Variants in KIAA2012 observed in about 807,000 individuals in gnomAD.
KIAA2012 encodes the protein uncharacterized protein KIAA2012.
In KIAA2012, 125 loss-of-function variants were observed where a neutral mutation model predicts 150.6. That is an observed-to-expected ratio of 0.83 (90% CI 0.72 to 0.96). The LOEUF (loss-of-function observed/expected upper bound fraction) is 0.96. KIAA2012 is among the 40% of genes least tolerant of loss of function. The pLI, the probability that KIAA2012 is intolerant of heterozygous loss-of-function variation, is 0.00. For missense variants in KIAA2012, 1,219 were observed against 1,354.9 expected (o/e 0.90, Z 1.57); for synonymous variants, 462 against 504.7 (o/e 0.92, Z 1.13).
intron 10 of KIAA2012, among the ~76,000 whole-genome samples, chr2:202,111,491 C>T (rs1453166164): frequency 9.2e-6 from 1 of 109,244 alleles, no homozygotes; most frequent in Non-Finnish European, 1.7e-5. Context: ...GCCTGAGCAA[C>T]AGAGCAAGAC....
intron 12 of KIAA2012, among the ~76,000 whole-genome samples, chr2:202,134,087 A>G (rs1691012899): frequency 6.6e-6 from 1 of 152,192 alleles, no homozygotes; most frequent in East Asian, 1.9e-4. Context: ...GCCTTCTCCC[A>G]TTGGTTCCTG....
chr2:202,120,768 A>G (rs549386316), intron 11 of KIAA2012, among the ~76,000 whole-genome samples: 7 of 152,220 alleles, frequency 4.6e-5, no homozygotes, highest in South Asian at 2.1e-4. Flanking sequence ...GATCCCCCTC[A>G]TCTACCTCTG....
chr2:202,201,590 T>A, intron 22 of KIAA2012: 1 of 1,610,236 alleles, frequency 6.2e-7, no homozygotes, highest in Non-Finnish European at 8.5e-7. Context: ...TGGAGCCAGG[T>A]GGATAGATGG....
rs1195899291 is a variant in KIAA2012 at position 202,093,062 on chromosome 2, A to G, written c.562A>G (p.Ser188Gly). 3.2e-6 allele frequency: 5 copies of G among 1,550,708 alleles called. No homozygotes were observed. Among genetic ancestry groups the G allele is most frequent in the Non-Finnish European group, 3.5e-6 (4 of 1,146,966 alleles). Residue 188 changes from serine (S) to glycine (G), a missense_variant, in exon 4 of 24, where the codon AGT becomes GGT. Coordinates refer to ENST00000498697, the MANE Select transcript of KIAA2012 (RefSeq NM_001277372.4). ...CAAGGATTCTGTGCTACTCCAGGAC[A>G]GTCAACTTAATGTACCAAAGAAGCT... ...YIKDSVLLQD[S>G]QLNVPKKLRP...
Position 202,093,037 on chromosome 2 carries a change from C to T in KIAA2012, c.537C>T (p.Ile179=). ...TCCTGATCTACTCTTCAGGATACAT[C>T]AAGGATTCTGTGCTACTCCAGGACA... ...AMYRLWCAGY[I]KDSVLLQDSQ... The change falls in exon 4 of 24, where the codon ATC becomes ATT. Residue 179 remains isoleucine, a synonymous_variant. Coordinates refer to ENST00000498697, the MANE Select transcript of KIAA2012 (RefSeq NM_001277372.4). 1 of 1,550,246 alleles carries T rather than the reference C, an allele frequency of 6.5e-7. No homozygotes were observed. Among genetic ancestry groups the T allele is most frequent in the Non-Finnish European group, 8.7e-7 (1 of 1,146,822 alleles).
chr2:202,194,108 C>A, intron 20 of KIAA2012, 82 bp from the exon 21 acceptor site: 1 of 1,453,702 alleles, frequency 6.9e-7, no homozygotes, highest in Non-Finnish European at 9.3e-7. Flanking sequence ...GAGCCTCCCC[C>A]ATGGGCACTG....
intron 12 of KIAA2012, among the ~76,000 whole-genome samples, chr2:202,130,578 T>C (rs1226368120): frequency 6.6e-6 from 1 of 152,216 alleles, no homozygotes; most frequent in Non-Finnish European, 1.5e-5. Context: ...TATTTTCTAT[T>C]TAATCACCCT....
At chr2:202,183,465 G>A (rs1269436263) in intron 15 of KIAA2012, among the ~76,000 whole-genome samples, 20 of 135,526 alleles carry the variant, frequency 1.5e-4, no homozygotes, top group African/African-American at 5.1e-4. Context: ...GGTTTTTGGG[G>A]GGTTTTTTAA....
At chr2:202,159,023 C>T (rs138207846) in intron 14 of KIAA2012, among the ~76,000 whole-genome samples, 2 of 152,280 alleles carry the variant, frequency 1.3e-5, no homozygotes, top group South Asian at 2.1e-4. Flanking sequence ...GGCCTGAACA[C>T]GGACAACAGC....
chr2:202,105,961 A>C, intron 9 of KIAA2012, 51 bp downstream of exon 9: 1 of 1,550,616 alleles, frequency 6.4e-7, no homozygotes, highest in Non-Finnish European at 8.7e-7. Flanking sequence ...TCTGAAGGGA[A>C]GCAAGGCAAG....
intron 14 of KIAA2012, among the ~76,000 whole-genome samples, chr2:202,163,627 C>G (rs557247054): frequency 6.6e-6 from 1 of 152,220 alleles, no homozygotes; most frequent in East Asian, 1.9e-4. Flanking sequence ...GTTGTTGAGA[C>G]TGAAGTTTGA....
intron 13 of KIAA2012, among the ~76,000 whole-genome samples, chr2:202,154,046 C>G (rs1691477560): frequency 1.3e-5 from 2 of 152,160 alleles, no homozygotes; most frequent in African/African-American, 4.8e-5. Flanking sequence ...AATGTGACAC[C>G]CTTTGTACAG....
chr2:202,186,957 C>T lies in KIAA2012; in HGVS notation c.2235C>T (p.His745=), dbSNP rs758526865. The T allele has an allele frequency of 2.6e-6, 4 of 1,550,486 alleles. No individual in the cohort carries two copies. Among genetic ancestry groups the T allele is most frequent in the Non-Finnish European group, 1.7e-6 (2 of 1,147,014 alleles). Residue 745 remains histidine (H), a synonymous_variant, in exon 17 of 24, where the codon CAC becomes CAT. Coordinates refer to ENST00000498697, the MANE Select transcript of KIAA2012 (RefSeq NM_001277372.4). ...GGGGCAGAGATTATGATGTACACCA[C>T]CTACACAGAGGACTTCTGGGATACG... ...QKVGRDYDVH[H]LHRGLLGYGP...
At chr2:202,109,560 T>C (rs1690290454) in intron 9 of KIAA2012, 53 bp from the exon 10 acceptor site, 4 of 1,447,392 alleles carry the variant, frequency 2.8e-6, no homozygotes, top group Non-Finnish European at 3.7e-6. Flanking sequence ...TTCCTTCTCC[T>C]TCCTGCTGAT....
intron 9 of KIAA2012, among the ~76,000 whole-genome samples, 183 bp from the exon 10 acceptor site, chr2:202,109,430 G>A (rs1459011009): frequency 6.6e-6 from 1 of 152,136 alleles, no homozygotes; most frequent in East Asian, 1.9e-4. Context: ...ACAAACCTGA[G>A]AATGAGTGGA....
chr2:202,202,835 G>A (rs147664865), intron 23 of KIAA2012, among the ~76,000 whole-genome samples: 221 of 151,932 alleles, frequency 1.5e-3, no homozygotes, highest in African/African-American at 5.2e-3. Context: ...GAGGCTGAAG[G>A]AGGATCACTT....
chr2:202,138,985 C>T (rs531084224), intron 13 of KIAA2012, among the ~76,000 whole-genome samples: 1 of 152,064 alleles, frequency 6.6e-6, no homozygotes. Context: ...GCCTGCAATC[C>T]CAGCACTTTG....
Position 202,099,756 on chromosome 2 carries a change from C to T in KIAA2012, c.972C>T (p.Phe324=), listed in dbSNP as rs771637829. The change falls in exon 6 of 24, where the codon TTC becomes TTT. Residue 324 remains phenylalanine, a synonymous_variant. Coordinates refer to ENST00000498697, the MANE Select transcript of KIAA2012 (RefSeq NM_001277372.4). The stretch of plus-strand genomic sequence containing the variant: ...CAAGTGACAAATCCCACATTACATT[C>T]TGTGGAGGCGCCTTCCCTAATAGGA... ...WLPSDKSHIT[F]CGGAFPNRKA... 6.4e-7 allele frequency: 1 copy of T among 1,550,448 alleles called. No individual in the cohort carries two copies. The highest frequency in any genetic ancestry group is 1.2e-5 in the South Asian group (1 of 84,006).
intron 21 of KIAA2012, 41 bp from the exon 22 acceptor site, chr2:202,196,759 A>C: frequency 6.6e-7 from 1 of 1,524,378 alleles, no homozygotes; most frequent in South Asian, 1.2e-5. Flanking sequence ...TTTTCCCTAA[A>C]AATGATCCCT....
Sources: allele counts gnomAD v4.1 joint callset (sites outside exome capture counted in the v4.1 genomes callset), GRCh38; gene constraint gnomAD v4.1.1; transcripts MANE v1.5; gene names NCBI Gene and HGNC (gene_info 2026-07-23, HGNC 2026-07-21).